CNTNAP2: variants seen among roughly 807,000 people sequenced by gnomAD.
CNTNAP2 encodes contactin-associated protein-like 2.
Under a neutral mutation model 155.2 loss-of-function variants are expected in CNTNAP2, and 98 were observed. The observed-to-expected ratio is 0.63, with a 90% CI of 0.54 to 0.75. CNTNAP2 has a LOEUF of 0.75. CNTNAP2 is among the 30% of genes least tolerant of loss of function. CNTNAP2 has a pLI of 0.00. For missense variants in CNTNAP2, 1,727 were observed against 1,688.1 expected, an observed-to-expected ratio of 1.02 and a Z score of -0.40; for synonymous variants, 651 against 631.2, an observed-to-expected ratio of 1.03 and a Z score of -0.47.
At chr7:147,929,092 CAAAA>C (rs66584239) in intron 14 of CNTNAP2, among the ~76,000 whole-genome samples, 5 of 34,624 alleles carry the variant, frequency 1.4e-4, no homozygotes, top group South Asian at 1.5e-3. Context: ...AACTCCATCC[CAAAA>C]AAAAAAAAAA....
At chr7:147,091,872 C>T (rs1800414445) in intron 4 of CNTNAP2, among the ~76,000 whole-genome samples, 1 of 152,150 alleles carries the variant, frequency 6.6e-6, no homozygotes, top group Non-Finnish European at 1.5e-5. Context: ...TCCCAAAGTG[C>T]TGGGATTACA....
chr7:147,083,876 AT>A lies in CNTNAP2; in HGVS notation c.551-24270del, dbSNP rs886823738. 6.4e-5 allele frequency among the ~76,000 whole-genome samples: 9 copies of A among 140,620 alleles called. No homozygotes were observed. In the South Asian group the frequency reaches 2.1e-3, roughly 32 times the overall value. The allele number at this position is 140,620 out of a possible 152,430, so 92.3% of individuals were successfully genotyped here. A position where few individuals can be genotyped will look rare whatever the true frequency, so the allele number is the denominator to read the frequency against. ...ACATATACACATGTATGTACATATT[AT>A]ATACATATACACATGTATGTATATA... On this transcript the variant is annotated intron_variant, in intron 4 of 23. Coordinates refer to ENST00000361727, the MANE Select transcript of CNTNAP2 (RefSeq NM_014141.6).
At chr7:146,295,701 G>T (rs1491001364) in intron 1 of CNTNAP2, among the ~76,000 whole-genome samples, 1 of 151,904 alleles carries the variant, frequency 6.6e-6, no homozygotes, top group Admixed American at 6.6e-5. Flanking sequence ...GAATCTTGTA[G>T]ATCTAGCTCA....
Position 147,678,223 on chromosome 7 carries a change from C to T in CNTNAP2, c.2098+38917C>T, listed in dbSNP as rs149005530. Reference sequence around the variant, plus strand: ...CATCAATACTCAGCTATCCAAAATTCCTCATTGCCTTGCAGCAGTTTTTCC... The same window carrying T: ...CATCAATACTCAGCTATCCAAAATTTCTCATTGCCTTGCAGCAGTTTTTCC... On this transcript the variant is annotated intron_variant, in intron 13 of 23. Coordinates refer to ENST00000361727, the MANE Select transcript of CNTNAP2 (RefSeq NM_014141.6). Among the ~76,000 whole-genome samples, 454 of 151,844 alleles carry T rather than the reference C, an allele frequency of 3.0e-3. 1 individual carries two copies. The highest frequency in any genetic ancestry group is 4.2e-3 in the Non-Finnish European group (288 of 67,766).
chr7:147,713,557 G>C (rs577345180), intron 13 of CNTNAP2, among the ~76,000 whole-genome samples: 1 of 152,132 alleles, frequency 6.6e-6, no homozygotes, highest in Non-Finnish European at 1.5e-5. Context: ...GTTGGAGAAC[G>C]TTTGGGTAAT....
chr7:146,855,260 A>G (rs1794952245), intron 3 of CNTNAP2, among the ~76,000 whole-genome samples: 1 of 152,150 alleles, frequency 6.6e-6, no homozygotes, highest in African/African-American at 2.4e-5. Flanking sequence ...CAATAGCTAT[A>G]GAGGGGGATT....
At chr7:148,331,581 A>ATGGACGGATGGAGTGGATGGATGGAG (rs1491438526) in intron 21 of CNTNAP2, among the ~76,000 whole-genome samples, 1 of 5,752 alleles carries the variant, frequency 1.7e-4, no homozygotes, top group Non-Finnish European at 3.6e-4. Context: ...GATGGATGGA[A>ATGGACGGATGGAGTGGATGGATGGAG]TGGATGGATG....
At chr7:146,748,296 C>A (rs1791683942) in intron 1 of CNTNAP2, among the ~76,000 whole-genome samples, 1 of 149,824 alleles carries the variant, frequency 6.7e-6, no homozygotes, top group African/African-American at 2.4e-5. Flanking sequence ...CAGGCGCCAG[C>A]CACCACGCCC....
intron 11 of CNTNAP2, among the ~76,000 whole-genome samples, chr7:147,513,918 C>A (rs531044463): frequency 2.0e-5 from 3 of 152,192 alleles, no homozygotes; most frequent in Admixed American, 6.5e-5. Context: ...GGAAGACACA[C>A]CTGAAATCAC....
At chr7:146,568,993 A>AT (rs891179904) in intron 1 of CNTNAP2, among the ~76,000 whole-genome samples, 54 of 150,940 alleles carry the variant, frequency 3.6e-4, no homozygotes, top group African/African-American at 1.1e-3. Flanking sequence ...ACTTCTTTTT[A>AT]TTTTTTTTAT....
intron 8 of CNTNAP2, among the ~76,000 whole-genome samples, chr7:147,227,203 G>T (rs1038945309): frequency 6.6e-6 from 1 of 152,154 alleles, no homozygotes; most frequent in Non-Finnish European, 1.5e-5. Flanking sequence ...AGGCCAGGAG[G>T]CAGGAAGATG....
intron 14 of CNTNAP2, among the ~76,000 whole-genome samples, chr7:147,920,059 C>T (rs899510769): frequency 1.3e-5 from 2 of 151,762 alleles, no homozygotes; most frequent in Admixed American, 6.6e-5. Context: ...TTTGCAGAAA[C>T]CTTAAAAAGT....
At chr7:146,630,892 C>A (rs1035345544) in intron 1 of CNTNAP2, among the ~76,000 whole-genome samples, 2 of 151,938 alleles carry the variant, frequency 1.3e-5, no homozygotes, top group Non-Finnish European at 1.5e-5. Context: ...CAAACCACTG[C>A]TCAAGGAAAT....
At chr7:147,301,590 CTCTGTG>C (rs1250401102) in intron 9 of CNTNAP2, among the ~76,000 whole-genome samples, 4,301 of 110,788 alleles carry the variant, frequency 0.039, 85 homozygotes, top group African/African-American at 0.074. Context: ...CTCTCTCTCT[CTCTGTG>C]TGTGTGTGTG....
chr7:147,766,592 TG>T (rs140615097), intron 13 of CNTNAP2, among the ~76,000 whole-genome samples: 2,608 of 152,240 alleles, frequency 0.017, 57 homozygotes, highest in African/African-American at 0.058. Flanking sequence ...CTTTCTGGAT[TG>T]TTTAGTGTGC....
intron 13 of CNTNAP2, among the ~76,000 whole-genome samples, chr7:147,830,347 T>G (rs915746217): frequency 1.3e-5 from 2 of 151,778 alleles, no homozygotes; most frequent in African/African-American, 4.8e-5. Context: ...GAGGGGAAAA[T>G]GCACTCTCTG....
chr7:146,143,322 CAGAAAT>C (rs1320642041), intron 1 of CNTNAP2, among the ~76,000 whole-genome samples: 1 of 152,108 alleles, frequency 6.6e-6, no homozygotes, highest in Non-Finnish European at 1.5e-5. Flanking sequence ...AGTGAGCAAA[CAGAAAT>C]AATGGATTGG....
chr7:146,856,168 A>C (rs1245491249), intron 3 of CNTNAP2, among the ~76,000 whole-genome samples: 3 of 151,986 alleles, frequency 2.0e-5, no homozygotes, highest in Non-Finnish European at 4.4e-5. Flanking sequence ...TAAGGACAGT[A>C]ATGCATTGCA....
intron 1 of CNTNAP2, among the ~76,000 whole-genome samples, chr7:146,284,092 C>A (rs191607044): frequency 1.3e-5 from 2 of 152,194 alleles, no homozygotes; most frequent in Admixed American, 6.5e-5. Context: ...AATTCATCCA[C>A]TATTGTTATT....
Sources: gnomAD v4.1 joint callset for allele counts (sites outside exome capture counted in the v4.1 genomes callset) on GRCh38, gnomAD v4.1.1 for gene constraint, MANE v1.5 for transcripts, NCBI Gene and HGNC (gene_info 2026-07-23, HGNC 2026-07-21) for gene names.